PZP: variants seen among roughly 807,000 people sequenced by gnomAD.
PZP encodes PZP alpha-2-macroglobulin like, also known as pregnancy zone protein.
Under a neutral mutation model 179.8 loss-of-function variants are expected in PZP, and 150 were observed. That is an observed-to-expected ratio of 0.83 (90% confidence interval 0.73 to 0.96). The LOEUF is 0.96. Among genes scored for constraint, PZP ranks in the 40% least tolerant of loss-of-function variants. The probability of loss-of-function intolerance (pLI) is 0.00; values close to 1 mark genes in which losing one functional copy is unlikely to be tolerated. For synonymous variants in PZP, 624 were observed against 652.3 expected (o/e 0.96, Z 0.66); for missense variants, 1,689 against 1,764.0 (o/e 0.96, Z 0.76).
chr12:9,189,429 G>A (rs1943325028), intron 13 of PZP, among the ~76,000 whole-genome samples: 2 of 152,176 alleles, frequency 1.3e-5, no homozygotes, highest in Non-Finnish European at 2.9e-5. Context: ...TGAGATAACT[G>A]GCTAGCCATA....
the PZP span, among the ~76,000 whole-genome samples, chr12:9,137,711 GTT>G: frequency 7.9e-5 from 12 of 151,806 alleles, no homozygotes; most frequent in African/African-American, 2.9e-4. Context: ...CAATGTTTTT[GTT>G]TCCAGACACA....
intron 13 of PZP, among the ~76,000 whole-genome samples, chr12:9,191,249 G>A (rs1943439158): frequency 6.6e-6 from 1 of 152,074 alleles, no homozygotes. Context: ...TTCTGTGAAT[G>A]TGATACATAG....
At chr12:9,163,436 G>C (rs2120708650) in intron 21 of PZP, among the ~76,000 whole-genome samples, 1 of 148,024 alleles carries the variant, frequency 6.8e-6, no homozygotes, top group African/African-American at 2.5e-5. Flanking sequence ...CTGTGCAACA[G>C]AGCAAAACTC....
At chr12:9,175,033 G>A (rs929516393) in intron 15 of PZP, among the ~76,000 whole-genome samples, 2 of 152,162 alleles carry the variant, frequency 1.3e-5, no homozygotes, top group Admixed American at 1.3e-4. Flanking sequence ...AACAAAGCTG[G>A]AGGCATCATG....
At chr12:9,144,177 GAGAGAGAGAC>G (rs375960663), downstream of PZP, among the ~76,000 whole-genome samples, 458 of 152,202 alleles carry the variant, frequency 3.0e-3, 2 homozygotes, top group African/African-American at 9.8e-3. Flanking sequence ...GAGAGAGAGA[GAGAGAGAGAC>G]AGAGAGAGAC....
Position 9,160,504 on chromosome 12 carries a change from A to G in PZP, c.2873-14T>C, listed in dbSNP as rs1423093933. The G allele has an allele frequency of 6.2e-7, 1 of 1,606,108 alleles. No homozygotes were observed. The highest frequency in any genetic ancestry group is 1.1e-5 in the South Asian group (1 of 89,494). On this transcript the variant is annotated splice_polypyrimidine_tract_variant and intron_variant, in intron 23 of 35. Transcript: ENST00000261336. ...CTAATATGTCACCTGGGGAATGTGA[A>G]AGATTAGATGTCAGAATAATTTCAG...
intron 11 of PZP, 47 bp from the exon 12 acceptor site, chr12:9,192,786 C>T (rs1943536077): frequency 1.5e-6 from 2 of 1,338,432 alleles, no homozygotes; most frequent in African/African-American, 1.4e-5. Flanking sequence ...TGAAATTCTT[C>T]ACCTTAGCTT....
rs1565623916 is a variant in PZP, at chr12:9,154,797, G to A, written c.3593C>T (p.Pro1198Leu). 5.0e-6 allele frequency: 8 copies of A among 1,614,150 alleles called. No homozygotes were observed. The highest frequency in any genetic ancestry group is 6.8e-6 in the Non-Finnish European group (8 of 1,180,026). Residue 1198 changes from proline (P) to leucine (L), a missense_variant, in exon 29 of 36, where the codon CCA becomes CTA. Physicochemically the swap from Pro to Leu is moderately conservative, Grantham distance 98. Around this residue, in one of 3 missense-constraint regions of PZP, gnomAD observed 746 missense variants for 749.2 expected, o/e 1.00. Coordinates refer to ENST00000261336, the MANE Select transcript of PZP (RefSeq NM_002864.3). Reference protein sequence around the residue: ...HWERPQRPKAPVGHLYQTQAP... With the variant: ...HWERPQRPKALVGHLYQTQAP... Reference sequence around the variant, plus strand: ...CTGGGTTTGGTAAAGATGCCCCACTGGTGCCTTGGGTCTCTGAGGGCGCTC... The same window carrying A: ...CTGGGTTTGGTAAAGATGCCCCACTAGTGCCTTGGGTCTCTGAGGGCGCTC...
At chr12:9,153,995 G>A (rs1940555259) in intron 29 of PZP, among the ~76,000 whole-genome samples, 2 of 152,298 alleles carry the variant, frequency 1.3e-5, no homozygotes, top group South Asian at 4.1e-4. Flanking sequence ...AGCACTCTCA[G>A]GGAAAGTAGA....
intron 10 of PZP, among the ~76,000 whole-genome samples, chr12:9,194,461 AG>A (rs1196091087): frequency 4.4e-5 from 5 of 113,152 alleles, no homozygotes; most frequent in South Asian, 3.0e-4. Context: ...AAAGTCAGGG[AG>A]TTTTTTTTTT....
chr12:9,182,403 A>G (rs1942826664), intron 13 of PZP, among the ~76,000 whole-genome samples: 1 of 122,224 alleles, frequency 8.2e-6, no homozygotes, highest in Non-Finnish European at 1.8e-5. Context: ...AAATATCAGT[A>G]GCTCCAAATT....
the PZP span, among the ~76,000 whole-genome samples, chr12:9,142,242 AG>A: frequency 3.7e-4 from 57 of 152,328 alleles, 2 homozygotes; most frequent in African/African-American, 1.3e-3. Flanking sequence ...CAAAATTAGA[AG>A]TTAGGGTATT....
chr12:9,149,054 G>A (rs982391327), intron 35 of PZP, 60 bp from the exon 36 acceptor site: 11 of 1,477,074 alleles, frequency 7.4e-6, no homozygotes, highest in African/African-American at 2.8e-5. Flanking sequence ...ATTCAGTTGA[G>A]TGTGGGCAGC....
chr12:9,207,375 A>G (rs192931506), intron 1 of PZP, among the ~76,000 whole-genome samples: 57 of 152,336 alleles, frequency 3.7e-4, no homozygotes, highest in Middle Eastern at 3.4e-3. Flanking sequence ...TCTGGAAGAA[A>G]TGTAAAGGCA....
rs1025627336 is a variant in PZP at position 9,188,040 on chromosome 12, G to A, written c.1546+4153C>T. On this transcript the variant is annotated intron_variant, in intron 13 of 35. Transcript: ENST00000261336. ...CACATAAAAAATAGTCTGGCCAAAC[G>A]TCCTTGATGAACATTGATGCAAAAA... Among the ~76,000 whole-genome samples, 9 of 152,214 alleles carry A rather than the reference G, an allele frequency of 5.9e-5. No individual in the cohort carries two copies. The South Asian group carries it at 1.2e-3, about 21-fold the overall frequency.
rs1279629009 is a variant in PZP at position 9,203,921 on chromosome 12, G to C, written c.114C>G (p.Leu38=). Residue 38 remains leucine (L), a synonymous_variant, in exon 2 of 36, where the codon CTC becomes CTG. Transcript: ENST00000261336. ...PQYMVLVPSL[L]HTEAPKKGCV... ...AGCCCTTCTTAGGGGCCTCAGTGTGGAGCAGGGAGGGGACCAGCACCATAT... is the reference window on the plus strand; with the variant it reads ...AGCCCTTCTTAGGGGCCTCAGTGTGCAGCAGGGAGGGGACCAGCACCATAT... The C allele has an allele frequency of 2.5e-6, 4 of 1,613,892 alleles. No individual in the cohort carries two copies. In the South Asian group the frequency reaches 4.4e-5, roughly 18 times the overall value.
At chr12:9,188,551 G>C (rs936271877) in intron 13 of PZP, among the ~76,000 whole-genome samples, 1 of 152,134 alleles carries the variant, frequency 6.6e-6, no homozygotes, top group Non-Finnish European at 1.5e-5. Flanking sequence ...AGAAATAAAG[G>C]GCATCAGCAT....
At chr12:9,163,194 T>G (rs1009902687) in intron 21 of PZP, among the ~76,000 whole-genome samples, 1 of 150,954 alleles carries the variant, frequency 6.6e-6, no homozygotes, top group Non-Finnish European at 1.5e-5. Flanking sequence ...TTGCGCTCAA[T>G]GTAATCCCAG....
chr12:9,181,220 T>A, intron 14 of PZP, 88 bp from the exon 15 acceptor site: 21 of 1,527,534 alleles, frequency 1.4e-5, no homozygotes, highest in Non-Finnish European at 1.7e-5. Context: ...ACCCTTATAT[T>A]CAGTTCATAT....
Sources: allele counts gnomAD v4.1 joint callset (sites outside exome capture counted in the v4.1 genomes callset), GRCh38; gene constraint gnomAD v4.1.1; regional missense constraint gnomAD v4.1.1; transcripts MANE v1.5; gene names NCBI Gene and HGNC (gene_info 2026-07-23, HGNC 2026-07-21).